Variants in RAPGEF1 observed in about 807,000 individuals in gnomAD.
RAPGEF1 encodes CRK SH3-binding GNRP.
In RAPGEF1, 33 loss-of-function variants were observed where a neutral mutation model predicts 143.3. That is an observed-to-expected ratio of 0.23 (90% CI 0.17 to 0.31). The LOEUF is 0.31. RAPGEF1 is among the 10% of genes least tolerant of loss of function. The pLI is 1.00. For synonymous variants in RAPGEF1, 629 were observed against 676.5 expected (o/e 0.93, Z 1.09); for missense variants, 1,199 against 1,645.4 (o/e 0.73, Z 4.69).
chr9:131,724,313 C>T (rs1436784796), intron 1 of RAPGEF1, among the ~76,000 whole-genome samples: 3 of 152,086 alleles, frequency 2.0e-5, no homozygotes, highest in African/African-American at 4.8e-5. Context: ...AAAGTCCACT[C>T]GGCCGGGCAC....
chr9:131,680,013 G>A (rs1349968235), intron 1 of RAPGEF1, among the ~76,000 whole-genome samples: 6 of 152,214 alleles, frequency 3.9e-5, no homozygotes, highest in Non-Finnish European at 8.8e-5. Flanking sequence ...AAGTCTGTCT[G>A]CCATACGCAT....
At chr9:131,718,146 G>A (rs1012036344) in intron 1 of RAPGEF1, among the ~76,000 whole-genome samples, 4 of 152,216 alleles carry the variant, frequency 2.6e-5, no homozygotes, top group African/African-American at 9.7e-5. Context: ...CTCAGCAGGT[G>A]CCCTACAATA....
intron 26 of RAPGEF1, 70 bp downstream of exon 26, chr9:131,580,193 C>T (rs1032854342): frequency 2.6e-5 from 41 of 1,581,002 alleles, no homozygotes; most frequent in Non-Finnish European, 2.9e-5. Context: ...CTCGGTGTCC[C>T]GGGCTGTCTC....
chr9:131,596,392 AG>A lies in RAPGEF1; in HGVS notation c.2614-20del. 6.2e-7 allele frequency: 1 copy of A among 1,613,630 alleles called. No homozygotes were observed. Among genetic ancestry groups the A allele is most frequent in the East Asian group, 2.2e-5 (1 of 44,876 alleles). ...CATCACCCTGTAATGAACACAGCCA[AG>A]GAAGGTATGAGGCAGAGTATGCCCT... On this transcript the variant is annotated intron_variant, in intron 16 of 26. Coordinates refer to ENST00000683357, the MANE Select transcript of RAPGEF1 (RefSeq NM_001377935.1).
intron 3 of RAPGEF1, among the ~76,000 whole-genome samples, chr9:131,647,131 G>A (rs968221817): frequency 1.3e-5 from 2 of 152,214 alleles, no homozygotes; most frequent in Non-Finnish European, 2.9e-5. Flanking sequence ...GCAGCTCACT[G>A]CTAGACTTGT....
At chr9:131,602,300 T>TCA (rs1224931224) in intron 14 of RAPGEF1, among the ~76,000 whole-genome samples, 151 bp from the exon 15 acceptor site, 5 of 152,180 alleles carry the variant, frequency 3.3e-5, no homozygotes, top group Non-Finnish European at 7.4e-5. Flanking sequence ...ATGCCGTTAA[T>TCA]CACAGGAAAC....
chr9:131,578,607 T>C lies in RAPGEF1; in HGVS notation c.*890A>G, dbSNP rs546561164. ...AGCGAGCGATGGAGGAGGGAGGTGC[T>C]GGCCTCTCCCCTCTGAATTAACTCC... is the stretch of plus-strand genomic sequence containing the variant. On this transcript the variant is annotated 3_prime_UTR_variant, in exon 27 of 27. Transcript: ENST00000683357. The C allele has an allele frequency of 6.6e-6, 1 of 152,474 alleles. No individual in the cohort carries two copies. The highest frequency in any genetic ancestry group is 6.5e-5 in the Admixed American group (1 of 15,306). The allele number at this position is 152,474 out of a possible 1,614,324, so 9.4% of individuals were successfully genotyped here. A position where few individuals can be genotyped will look rare whatever the true frequency, so the allele number is the denominator to read the frequency against.
chr9:131,579,653 G>A lies in RAPGEF1; in HGVS notation c.3642-6C>T. 6.2e-7 allele frequency: 1 copy of A among 1,613,434 alleles called. No homozygotes were observed. On this transcript the variant is annotated splice_polypyrimidine_tract_variant and splice_region_variant and intron_variant, in intron 26 of 26. Transcript: ENST00000683357. Reference sequence around the variant, plus strand: ...TCCTCCGCATGTCATAGTGCCTGGTGCAGGGGATGGGGAGCAGTCAGTGAG... The same window carrying A: ...TCCTCCGCATGTCATAGTGCCTGGTACAGGGGATGGGGAGCAGTCAGTGAG...
chr9:131,627,437 C>T (rs1419579051), intron 9 of RAPGEF1, among the ~76,000 whole-genome samples: 1 of 152,064 alleles, frequency 6.6e-6, no homozygotes, highest in East Asian at 1.9e-4. Flanking sequence ...ATCTAGTTCA[C>T]AGGATACGAA....
intron 1 of RAPGEF1, among the ~76,000 whole-genome samples, chr9:131,680,389 C>T (rs1260187714): frequency 1.3e-5 from 2 of 152,180 alleles, no homozygotes; most frequent in African/African-American, 4.8e-5. Context: ...GAGCAGGCCC[C>T]CCAAAATCTG....
intron 1 of RAPGEF1, among the ~76,000 whole-genome samples, chr9:131,728,144 C>T (rs1438343658): frequency 6.6e-6 from 1 of 152,132 alleles, no homozygotes; most frequent in African/African-American, 2.4e-5. Context: ...ACTCAGAACA[C>T]CAAAACAGCA....
At chr9:131,669,121 A>AGGCAGGAGGC (rs1830925602) in intron 1 of RAPGEF1, among the ~76,000 whole-genome samples, 1 of 152,224 alleles carries the variant, frequency 6.6e-6, no homozygotes, top group Non-Finnish European at 1.5e-5. Context: ...ATGGGCCTGC[A>AGGCAGGAGGC]GGCAGGAGGT....
At chr9:131,668,122 C>T (rs1030619656) in intron 1 of RAPGEF1, among the ~76,000 whole-genome samples, 2 of 152,152 alleles carry the variant, frequency 1.3e-5, no homozygotes, top group Admixed American at 6.5e-5. Flanking sequence ...AACTTTTCCG[C>T]GTGAACAAAG....
At chr9:131,692,563 G>A (rs1256670989) in intron 1 of RAPGEF1, among the ~76,000 whole-genome samples, 1 of 152,178 alleles carries the variant, frequency 6.6e-6, no homozygotes, top group Non-Finnish European at 1.5e-5. Flanking sequence ...AACACCGGAC[G>A]TTATAATCAC....
Position 131,655,433 on chromosome 9 carries a change from G to A in RAPGEF1, c.62-4484C>T, listed in dbSNP as rs72759843. Among the ~76,000 whole-genome samples the A allele has an allele frequency of 2.0e-4, 31 of 152,330 alleles. No homozygotes were observed. Among genetic ancestry groups the A allele is most frequent in the South Asian group, 6.2e-4 (3 of 4,824 alleles). ...CCTCATATGTCAGCAGTCATCCCTC[G>A]CATTCAAATGAACTGGGATGGTGTG... On this transcript the variant is annotated intron_variant, in intron 1 of 26. Coordinates refer to ENST00000683357, the MANE Select transcript of RAPGEF1 (RefSeq NM_001377935.1). The surrounding 1 kb of genome is among the most constrained non-coding windows in gnomAD (Gnocchi z 4.1).
chr9:131,739,240 C>A (rs1837598214), intron 1 of RAPGEF1, among the ~76,000 whole-genome samples: 2 of 152,212 alleles, frequency 1.3e-5, no homozygotes, highest in South Asian at 2.1e-4. Flanking sequence ...TGAGCTTGAT[C>A]GGGGTGGGGA....
At chr9:131,673,724 G>T (rs1270135501) in intron 1 of RAPGEF1, among the ~76,000 whole-genome samples, 2 of 152,190 alleles carry the variant, frequency 1.3e-5, no homozygotes, top group African/African-American at 4.8e-5. Flanking sequence ...GAGAGGAAAG[G>T]AGGGGCCAGG....
intron 1 of RAPGEF1, among the ~76,000 whole-genome samples, chr9:131,652,137 T>C (rs1230777584): frequency 6.6e-6 from 1 of 152,260 alleles, no homozygotes; most frequent in Non-Finnish European, 1.5e-5. Flanking sequence ...TTTATAACCA[T>C]GGCACATTTA....
chr9:131,727,178 A>T (rs1365301478), intron 1 of RAPGEF1, among the ~76,000 whole-genome samples: 1 of 152,268 alleles, frequency 6.6e-6, no homozygotes, highest in African/African-American at 2.4e-5. Context: ...GGGAATGCAT[A>T]ATTACTGTTA....
Sources: allele counts gnomAD v4.1 joint callset (sites outside exome capture counted in the v4.1 genomes callset), GRCh38; gene constraint gnomAD v4.1.1; non-coding constraint Gnocchi (gnomAD v3.1); transcripts MANE v1.5; gene names NCBI Gene and HGNC (gene_info 2026-07-23, HGNC 2026-07-21).